PARD3: variants seen among roughly 807,000 people sequenced by gnomAD.
PARD3 encodes partitioning defective 3 homolog.
In PARD3, 75 loss-of-function variants were observed where a neutral mutation model predicts 155.4. The observed-to-expected ratio is 0.48, with a 90% CI of 0.40 to 0.58. The LOEUF (loss-of-function observed/expected upper bound fraction) is 0.58. Ranked by LOEUF, PARD3 falls within the 20% of genes least tolerant of loss-of-function variation. The probability of loss-of-function intolerance (pLI) is 0.00; values close to 1 mark genes in which losing one functional copy is unlikely to be tolerated. For synonymous variants in PARD3, 576 were observed against 610.5 expected, an observed-to-expected ratio of 0.94 and a Z score of 0.83; for missense variants, 1,642 against 1,721.7, an observed-to-expected ratio of 0.95 and a Z score of 0.82.
intron 22 of PARD3, among the ~76,000 whole-genome samples, chr10:34,135,404 G>C (rs903671053): frequency 3.9e-5 from 6 of 152,126 alleles, no homozygotes; most frequent in African/African-American, 1.2e-4. Context: ...TTTAAGGAAG[G>C]GTACCTAGGA....
chr10:34,118,206 A>T (rs1946788980), intron 24 of PARD3, among the ~76,000 whole-genome samples: 1 of 152,194 alleles, frequency 6.6e-6, no homozygotes, highest in Admixed American at 6.5e-5. Context: ...TATGGATTGA[A>T]AAAGAACAAC....
At chr10:34,786,769 C>A (rs542741520) in intron 1 of PARD3, among the ~76,000 whole-genome samples, 4 of 152,212 alleles carry the variant, frequency 2.6e-5, no homozygotes, top group Non-Finnish European at 4.4e-5. Flanking sequence ...TTACTAGGGG[C>A]CTTTTAAAAA....
chr10:34,322,722 A>G (rs1958453117), intron 19 of PARD3, among the ~76,000 whole-genome samples: 1 of 152,186 alleles, frequency 6.6e-6, no homozygotes, highest in African/African-American at 2.4e-5. Flanking sequence ...CCTCTGAGGG[A>G]GAGGCCCCAA....
chr10:34,729,545 AGATAAGATAAG>A (rs2094779902), intron 1 of PARD3, among the ~76,000 whole-genome samples: 1 of 151,488 alleles, frequency 6.6e-6, no homozygotes, highest in African/African-American at 2.4e-5. Context: ...AAAAAAAAAA[AGATAAGATAAG>A]ATATGATGCT....
intron 2 of PARD3, among the ~76,000 whole-genome samples, chr10:34,683,477 G>C (rs996743612): frequency 6.6e-6 from 1 of 150,954 alleles, no homozygotes. Context: ...GAGAAGTCAA[G>C]TAAAGACAGC....
chr10:34,335,660 C>A (rs1218178866), intron 18 of PARD3, among the ~76,000 whole-genome samples: 1 of 152,028 alleles, frequency 6.6e-6, no homozygotes, highest in Non-Finnish European at 1.5e-5. Context: ...ATTATATAGT[C>A]TAATCCAACG....
chr10:34,121,177 C>T (rs1488834461), intron 23 of PARD3, among the ~76,000 whole-genome samples: 2 of 152,110 alleles, frequency 1.3e-5, no homozygotes, highest in African/African-American at 4.8e-5. Flanking sequence ...ACGTGTATAC[C>T]GCATGGTATA....
intron 22 of PARD3, among the ~76,000 whole-genome samples, chr10:34,179,168 G>GCACACACACA (rs72378504): frequency 7.4e-5 from 7 of 94,532 alleles, no homozygotes; most frequent in Admixed American, 3.1e-4. Flanking sequence ...GTGCGTGCGC[G>GCACACACACA]CACACACACA....
chr10:34,166,714 G>A (rs1353387760), intron 22 of PARD3, among the ~76,000 whole-genome samples: 1 of 151,904 alleles, frequency 6.6e-6, no homozygotes, highest in South Asian at 2.1e-4. Context: ...CAGGATGAGT[G>A]TCCACTCACA....
intron 2 of PARD3, among the ~76,000 whole-genome samples, chr10:34,662,111 C>A (rs1455329048): frequency 1.3e-5 from 2 of 152,176 alleles, no homozygotes; most frequent in African/African-American, 4.8e-5. Flanking sequence ...AAATGAACTT[C>A]TGGCCCTTTC....
At chr10:34,293,863 C>T (rs1411359523) in intron 20 of PARD3, among the ~76,000 whole-genome samples, 1 of 152,166 alleles carries the variant, frequency 6.6e-6, no homozygotes, top group Non-Finnish European at 1.5e-5. Context: ...AAACCCAACA[C>T]TTTGCCAGGT....
rs113228898 is a variant in PARD3, at chr10:34,424,335, C to T, written c.715-22418G>A. ...CAAGACCAATGTTATTTAATACATT[C>T]ATAATAATCTGTTGGAAGAAATAGG... On this transcript the variant is annotated intron_variant, in intron 5 of 24. Transcript: ENST00000374788. 2.2e-3 allele frequency among the ~76,000 whole-genome samples: 341 copies of T among 152,176 alleles called. 1 individual carries two copies. The highest frequency in any genetic ancestry group is 7.7e-3 in the African/African-American group (320 of 41,516).
At chr10:34,185,437 C>A (rs563142015) in intron 22 of PARD3, among the ~76,000 whole-genome samples, 8 of 152,036 alleles carry the variant, frequency 5.3e-5, no homozygotes, top group Admixed American at 6.6e-5. Context: ...AGAAAAGGGT[C>A]TTTAAATTAG....
At chr10:34,478,057 T>C (rs1424492836) in intron 3 of PARD3, among the ~76,000 whole-genome samples, 5 of 152,206 alleles carry the variant, frequency 3.3e-5, no homozygotes, top group Non-Finnish European at 7.3e-5. Flanking sequence ...CTAGAATCTT[T>C]GGAAGAAATT....
chr10:34,531,266 A>G (rs1374018335), intron 2 of PARD3, among the ~76,000 whole-genome samples: 1 of 152,054 alleles, frequency 6.6e-6, no homozygotes, highest in African/African-American at 2.4e-5. Context: ...TTAGGCAGAC[A>G]CTCTTTCTCC....
At chr10:34,654,478 C>T (rs577753035) in intron 2 of PARD3, among the ~76,000 whole-genome samples, 77 of 152,350 alleles carry the variant, frequency 5.1e-4, no homozygotes, top group Middle Eastern at 3.4e-3. Flanking sequence ...AGCTGCACTG[C>T]CTGCCTTTCT....
rs538048788 is a variant in PARD3 at position 34,672,791 on chromosome 10, T to C, written c.222+23527A>G. Among the ~76,000 whole-genome samples, 5 of 152,372 alleles carry C rather than the reference T, an allele frequency of 3.3e-5. No individual in the cohort carries two copies. The East Asian group carries it at 9.6e-4, about 29-fold the overall frequency. The stretch of plus-strand genomic sequence containing the variant: ...ACATTTTTTTCTTCAAAATAAGCAA[T>C]GGTTCCATGTTGATCCTCCTGTACT... On this transcript the variant is annotated intron_variant, in intron 2 of 24. Coordinates refer to ENST00000374788, the MANE Select transcript of PARD3 (RefSeq NM_001184785.2).
At chr10:34,437,433 G>A (rs986678630) in intron 5 of PARD3, among the ~76,000 whole-genome samples, 2 of 152,006 alleles carry the variant, frequency 1.3e-5, no homozygotes, top group Non-Finnish European at 2.9e-5. Flanking sequence ...TTTACTCAGA[G>A]AACTGAGGAA....
At chr10:34,431,487 A>G (rs1053424349) in intron 5 of PARD3, among the ~76,000 whole-genome samples, 3 of 152,168 alleles carry the variant, frequency 2.0e-5, no homozygotes, top group Non-Finnish European at 4.4e-5. Context: ...CACGCCTGTA[A>G]TCCCAGCACT....
Sources: allele counts gnomAD v4.1 joint callset (sites outside exome capture counted in the v4.1 genomes callset), GRCh38; gene constraint gnomAD v4.1.1; transcripts MANE v1.5; gene names NCBI Gene and HGNC (gene_info 2026-07-23, HGNC 2026-07-21).